TRIO: variants seen among roughly 807,000 people sequenced by gnomAD.
The protein encoded by TRIO is trio Rho guanine nucleotide exchange factor, also known as triple functional domain protein.
In TRIO, 58 loss-of-function variants were observed where a neutral mutation model predicts 351.9. The ratio of observed to expected loss-of-function variants is 0.16; its 90% CI spans 0.13 to 0.21. The LOEUF is 0.21. TRIO is among the 10% of genes least tolerant of loss of function. TRIO has a pLI of 1.00. For synonymous variants in TRIO, 1,758 were observed against 1,595.7 expected, an observed-to-expected ratio of 1.10 and a Z score of -2.42; for missense variants, 3,201 against 4,027.8, an observed-to-expected ratio of 0.79 and a Z score of 5.56.
chr5:14,241,915 G>T (rs925764380), intron 1 of TRIO, among the ~76,000 whole-genome samples: 1 of 152,140 alleles, frequency 6.6e-6, no homozygotes, highest in African/African-American at 2.4e-5. Flanking sequence ...TGAGTGCTAT[G>T]ATTTTTGAAG....
intron 18 of TRIO, among the ~76,000 whole-genome samples, chr5:14,369,982 G>A (rs1744937661): frequency 6.6e-6 from 1 of 152,204 alleles, no homozygotes; most frequent in Admixed American, 6.5e-5. Flanking sequence ...GGCTTGTGGT[G>A]GCAGTTGCTG....
At chr5:14,431,175 G>A (rs964817730) in intron 34 of TRIO, among the ~76,000 whole-genome samples, 7 of 152,168 alleles carry the variant, frequency 4.6e-5, no homozygotes, top group Non-Finnish European at 8.8e-5. Flanking sequence ...ACATCCTCAC[G>A]CCCCTTTCTG....
At chr5:14,441,006 G>A (rs1319253623) in intron 34 of TRIO, 4 of 151,772 alleles carry the variant, frequency 2.6e-5, no homozygotes, top group East Asian at 1.9e-4. Context: ...ACTGCAGCGC[G>A]CGCGCGCGCG....
intron 34 of TRIO, among the ~76,000 whole-genome samples, chr5:14,448,762 T>TG (rs1752626499): frequency 6.6e-6 from 1 of 152,200 alleles, no homozygotes; most frequent in Non-Finnish European, 1.5e-5. Context: ...TTTTTTTTTT[T>TG]TAAGTGTCTC....
In TRIO at chr5:14,221,157, A is replaced by G. The variant is rs576631610; in HGVS notation, c.158-49668A>G. Among the ~76,000 whole-genome samples, 13 of 152,336 alleles carry G rather than the reference A, an allele frequency of 8.5e-5. No individual in the cohort carries two copies. In the East Asian group the frequency reaches 2.5e-3, roughly 29 times the overall value. On this transcript the variant is annotated intron_variant, in intron 1 of 56. Transcript: ENST00000344204. ...TACATGGAACAACAAAGCCTGGATG[A>G]TAGCCCATCTGTTGACAGCATGGTT...
chr5:14,506,837 C>T (rs769833064), intron 55 of TRIO, among the ~76,000 whole-genome samples: 7 of 152,156 alleles, frequency 4.6e-5, no homozygotes, highest in Admixed American at 1.3e-4. Context: ...TGCCGGCAGC[C>T]GGGCCACGCC....
Position 14,487,928 on chromosome 5 carries a change from G to C in TRIO, c.7300G>C (p.Ala2434Pro). The C allele has an allele frequency of 6.5e-7, 1 of 1,539,550 alleles. No individual in the cohort carries two copies. The highest frequency in any genetic ancestry group is 8.7e-7 in the Non-Finnish European group (1 of 1,143,460). ...NASGSSPDAP[A>P]KDARASLGTL... ...CTCGGGGTCGAGCCCAGACGCCCCC[G>C]CCAAGGACGCGCGCGCTAGCCTGGG... is the stretch of plus-strand genomic sequence containing the variant. The change falls in exon 48 of 57, where the codon GCC (alanine) becomes CCC (proline). Residue 2434 changes from alanine (A) to proline (P), a missense_variant. By Grantham distance (27) the Ala-to-Pro change is conservative. Coordinates refer to ENST00000344204, the MANE Select transcript of TRIO (RefSeq NM_007118.4).
chr5:14,173,031 G>C (rs1789191200), intron 1 of TRIO, among the ~76,000 whole-genome samples: 1 of 152,110 alleles, frequency 6.6e-6, no homozygotes, highest in Non-Finnish European at 1.5e-5. Flanking sequence ...TTTGCAAGCA[G>C]CAAAATCTTT....
At chr5:14,195,862 C>T (rs761740880) in intron 1 of TRIO, among the ~76,000 whole-genome samples, 4 of 152,050 alleles carry the variant, frequency 2.6e-5, no homozygotes, top group Non-Finnish European at 5.9e-5. Flanking sequence ...CAAGCCCTTG[C>T]TTATTTTTTT....
rs1788963351 is a variant in TRIO, at chr5:14,169,289, A to G, written c.157+25407A>G. ...GTTCTTCCTCATACAGTTTTCTTCA[A>G]CAGTACCAAGAGTCGTATTTTTAAG... On this transcript the variant is annotated intron_variant, in intron 1 of 56. Transcript: ENST00000344204. Among the ~76,000 whole-genome samples, 2 of 151,608 alleles carry G rather than the reference A, an allele frequency of 1.3e-5. 1 individual carries two copies. The highest frequency in any genetic ancestry group is 4.2e-4 in the South Asian group (2 of 4,816).
At chr5:14,367,834 T>C (rs559464081) in intron 16 of TRIO, among the ~76,000 whole-genome samples, 2 of 152,230 alleles carry the variant, frequency 1.3e-5, no homozygotes, top group Non-Finnish European at 2.9e-5. Flanking sequence ...CACCTCTTCC[T>C]GAGGTGCAAA....
intron 42 of TRIO, 121 bp downstream of exon 42, chr5:14,479,471 T>C (rs1487477989): frequency 2.5e-6 from 2 of 797,608 alleles, no homozygotes; most frequent in African/African-American, 1.7e-5. Context: ...GCCTGAGTGA[T>C]AAGACTTCTG....
intron 48 of TRIO, chr5:14,489,023 C>G (rs1423960619): frequency 1.3e-6 from 1 of 765,308 alleles, no homozygotes; most frequent in Admixed American, 1.7e-5. Flanking sequence ...CCACCTGTTT[C>G]CTACAGGGCA....
rs537013063 is a variant in TRIO, at chr5:14,491,595, T to C, written c.7633-972T>C. Among the ~76,000 whole-genome samples, 39 of 152,320 alleles carry C rather than the reference T, an allele frequency of 2.6e-4. No individual in the cohort carries two copies. In the South Asian group the frequency reaches 3.5e-3, roughly 14 times the overall value. On this transcript the variant is annotated intron_variant, in intron 48 of 56. Coordinates refer to ENST00000344204, the MANE Select transcript of TRIO (RefSeq NM_007118.4). ...AGAGTGGGACAAACACTGCCGTTTG[T>C]GTTTCTTCTCAGGAGCTAACACCAC... is the stretch of plus-strand genomic sequence containing the variant.
intron 2 of TRIO, among the ~76,000 whole-genome samples, chr5:14,278,841 G>A (rs748720927): frequency 1.3e-5 from 2 of 152,132 alleles, no homozygotes; most frequent in Non-Finnish European, 2.9e-5. Flanking sequence ...CCAGGAACCC[G>A]TTATTTAGTT....
intron 37 of TRIO, among the ~76,000 whole-genome samples, chr5:14,469,175 A>C (rs535693802): frequency 1.3e-5 from 2 of 152,262 alleles, no homozygotes; most frequent in African/African-American, 4.8e-5. Context: ...GAAAAGCAGA[A>C]GGAATGAATT....
intron 11 of TRIO, among the ~76,000 whole-genome samples, chr5:14,353,682 C>G (rs551515381): frequency 6.6e-6 from 1 of 152,126 alleles, no homozygotes; most frequent in Non-Finnish European, 1.5e-5. Flanking sequence ...AGTGCTTGAA[C>G]GCAAGCAGTC....
At chr5:14,200,851 C>T (rs1226413452) in intron 1 of TRIO, among the ~76,000 whole-genome samples, 4 of 152,200 alleles carry the variant, frequency 2.6e-5, no homozygotes, top group Non-Finnish European at 5.9e-5. Context: ...TTTTTCTTCT[C>T]TTTTGTTAAA....
chr5:14,443,062 T>G (rs1286633279), intron 34 of TRIO, among the ~76,000 whole-genome samples: 1 of 152,222 alleles, frequency 6.6e-6, no homozygotes, highest in East Asian at 1.9e-4. Flanking sequence ...TTCAGAATTC[T>G]TCTCAAGGGA....
Sources: allele counts gnomAD v4.1 joint callset (sites outside exome capture counted in the v4.1 genomes callset), GRCh38; gene constraint gnomAD v4.1.1; transcripts MANE v1.5; gene names NCBI Gene and HGNC (gene_info 2026-07-23, HGNC 2026-07-21).